AJAP1: variants seen among roughly 807,000 people sequenced by gnomAD.
AJAP1 encodes the protein adherens junction-associated protein 1.
A neutral mutation model predicts 35.0 loss-of-function variants in AJAP1; 5 were observed. That is an observed-to-expected ratio of 0.14 (90% confidence interval 0.07 to 0.30). The LOEUF (loss-of-function observed/expected upper bound fraction) is 0.30, where lower values mean the gene tolerates loss of function less well. AJAP1 is among the 10% of genes least tolerant of loss of function. The pLI is 1.00. For missense variants in AJAP1, 586 were observed against 571.0 expected (o/e 1.03, Z -0.27); for synonymous variants, 284 against 249.3 (o/e 1.14, Z -1.31).
chr1:4,763,482 T>C (rs760766040), intron 2 of AJAP1, among the ~76,000 whole-genome samples: 2 of 152,176 alleles, frequency 1.3e-5, no homozygotes, highest in Admixed American at 6.5e-5. Flanking sequence ...CCCACTGTGA[T>C]GGTGAATTTT....
intron 2 of AJAP1, among the ~76,000 whole-genome samples, chr1:4,767,100 C>G (rs371195139): frequency 6.6e-6 from 1 of 152,296 alleles, no homozygotes; most frequent in South Asian, 2.1e-4. Flanking sequence ...GCCTCCAGGG[C>G]AAGGCCAACA....
At chr1:4,741,789 G>A (rs1040204824) in intron 2 of AJAP1, among the ~76,000 whole-genome samples, 4 of 152,244 alleles carry the variant, frequency 2.6e-5, no homozygotes, top group African/African-American at 9.6e-5. Context: ...CCAGGACTGG[G>A]GCAGGGAGAG....
Position 4,774,469 on chromosome 1 carries a change from G to T in AJAP1, c.1206G>T (p.Val402=). 6.2e-7 allele frequency: 1 copy of T among 1,614,200 alleles called. No homozygotes were observed. Among genetic ancestry groups the T allele is most frequent in the Non-Finnish European group, 8.5e-7 (1 of 1,180,040 alleles). ...SDRHLIPVAF[V]SEKWFEISC ...GGCATCTTATTCCTGTGGCCTTCGT[G>T]TCTGAGAAATGGTTTGAAATCTCCT... Residue 402 remains valine, a synonymous_variant, in exon 5 of 6, where the codon GTG becomes GTT. Transcript: ENST00000378191.
intron 2 of AJAP1, among the ~76,000 whole-genome samples, chr1:4,714,660 A>C (rs1400405504): frequency 6.6e-6 from 1 of 152,236 alleles, no homozygotes; most frequent in Non-Finnish European, 1.5e-5. Context: ...GTGCTAGATT[A>C]ATTTGTTTAG....
intron 2 of AJAP1, among the ~76,000 whole-genome samples, chr1:4,722,465 T>C (rs1002215405): frequency 6.6e-6 from 1 of 152,262 alleles, no homozygotes; most frequent in Admixed American, 6.5e-5. Flanking sequence ...TCGTCCTCTA[T>C]GTTCACACGC....
chr1:4,764,573 A>ATTGG (rs964264086), intron 2 of AJAP1, among the ~76,000 whole-genome samples: 5 of 152,198 alleles, frequency 3.3e-5, no homozygotes, highest in African/African-American at 1.2e-4. Flanking sequence ...TTGGGATGGA[A>ATTGG]TTGGCACTTT....
intron 2 of AJAP1, among the ~76,000 whole-genome samples, chr1:4,717,288 G>T (rs967219612): frequency 2.0e-5 from 3 of 152,186 alleles, no homozygotes; most frequent in African/African-American, 7.2e-5. Flanking sequence ...CTCAATGAAG[G>T]TTTCCTGAAC....
At chr1:4,702,941 C>T (rs915657813) in intron 1 of AJAP1, among the ~76,000 whole-genome samples, 2 of 152,122 alleles carry the variant, frequency 1.3e-5, no homozygotes, top group African/African-American at 2.4e-5. Context: ...CCAGAGATTC[C>T]GCGATGGGAT....
chr1:4,685,655 C>G (rs1639588238), intron 1 of AJAP1, among the ~76,000 whole-genome samples: 1 of 98 alleles, frequency 0.01, no homozygotes, highest in Admixed American at 0.1. Flanking sequence ...AGACCAAGAC[C>G]CTGCCCCAGC....
chr1:4,681,472 C>T (rs995113976), intron 1 of AJAP1, among the ~76,000 whole-genome samples: 4 of 152,220 alleles, frequency 2.6e-5, no homozygotes, highest in South Asian at 4.1e-4. Context: ...GGAAAGGGCC[C>T]ATAGGCAGTA....
At chr1:4,677,083 G>A (rs1639378359) in intron 1 of AJAP1, among the ~76,000 whole-genome samples, 1 of 152,200 alleles carries the variant, frequency 6.6e-6, no homozygotes, top group Non-Finnish European at 1.5e-5. Flanking sequence ...CTTGAACCTG[G>A]GAGGCGGAGG....
In AJAP1 at chr1:4,693,941, A is replaced by G. The variant is rs548470673; in HGVS notation, c.30-17959A>G. Among the ~76,000 whole-genome samples the G allele has an allele frequency of 1.3e-5, 2 of 152,216 alleles. No individual in the cohort carries two copies. The highest frequency in any genetic ancestry group is 3.9e-4 in the East Asian group (2 of 5,168). ...GCTGTGGCACAGGGATTACATTTCCACAGAAGCTTCTGGGGACACTCCAGC... is the reference window on the plus strand; with the variant it reads ...GCTGTGGCACAGGGATTACATTTCCGCAGAAGCTTCTGGGGACACTCCAGC... On this transcript the variant is annotated intron_variant, in intron 1 of 5. Transcript: ENST00000378191. The surrounding 1 kb of genome is among the most constrained non-coding windows in gnomAD (Gnocchi z 4.4).
In AJAP1 at chr1:4,656,352, C is replaced by T. The variant is rs1422391129; in HGVS notation, c.29+898C>T. Reference sequence around the variant, plus strand: ...GGGCAGGCTGCCTCTGAGCCCTCGCCCTCCTGCCGGGGCATTCACCGAGCT... The same window carrying T: ...GGGCAGGCTGCCTCTGAGCCCTCGCTCTCCTGCCGGGGCATTCACCGAGCT... On this transcript the variant is annotated intron_variant, in intron 1 of 5. Coordinates refer to ENST00000378191, the MANE Select transcript of AJAP1 (RefSeq NM_018836.4). This position sits in a 1 kb window ranked among gnomAD's most constrained non-coding sequence, Gnocchi z 5.7. 6.6e-6 allele frequency among the ~76,000 whole-genome samples: 1 copy of T among 152,228 alleles called. No homozygotes were observed. The highest frequency in any genetic ancestry group is 6.5e-5 in the Admixed American group (1 of 15,292).
intron 2 of AJAP1, 44 bp from the exon 3 acceptor site, chr1:4,769,809 A>G: frequency 1.3e-6 from 2 of 1,554,766 alleles, no homozygotes; most frequent in South Asian, 1.1e-5. Context: ...CGCCTCCTGA[A>G]CCTGGTTTCA....
intron 1 of AJAP1, among the ~76,000 whole-genome samples, chr1:4,710,900 G>T (rs905578608): frequency 2.0e-5 from 3 of 152,180 alleles, no homozygotes; most frequent in Non-Finnish European, 4.4e-5. Context: ...TGACAAAGCC[G>T]CTCCATGTGA....
intron 1 of AJAP1, among the ~76,000 whole-genome samples, chr1:4,696,377 T>A (rs1319450813): frequency 6.6e-6 from 1 of 152,132 alleles, no homozygotes; most frequent in Admixed American, 6.5e-5. Flanking sequence ...GATGCGATGA[T>A]CTCATTAGGG....
intron 2 of AJAP1, among the ~76,000 whole-genome samples, chr1:4,769,294 C>T (rs942659832): frequency 1.3e-5 from 2 of 152,198 alleles, no homozygotes; most frequent in Admixed American, 6.5e-5. Context: ...ACCCCGTGAT[C>T]TGGGTCTGTG....
chr1:4,778,086 G>T (rs10915599), intron 5 of AJAP1, among the ~76,000 whole-genome samples: 41,538 of 152,112 alleles, frequency 0.27, 6,164 homozygotes, highest in Admixed American at 0.35. Flanking sequence ...GCAGACAGTG[G>T]TCATTACACC....
intron 2 of AJAP1, among the ~76,000 whole-genome samples, chr1:4,767,932 C>G (rs985214832): frequency 6.6e-6 from 1 of 152,236 alleles, no homozygotes; most frequent in Admixed American, 6.5e-5. Context: ...CACATGAGGT[C>G]TGAGTTGGGT....
Sources: allele counts gnomAD v4.1 joint callset (sites outside exome capture counted in the v4.1 genomes callset), GRCh38; gene constraint gnomAD v4.1.1; non-coding constraint Gnocchi (gnomAD v3.1); transcripts MANE v1.5; gene names NCBI Gene and HGNC (gene_info 2026-07-23, HGNC 2026-07-21).